Variants in MGAT4C observed in about 807,000 individuals in gnomAD.
MGAT4C encodes the protein alpha-1,3-mannosyl-glycoprotein 4-beta-N-acetylglucosaminyltransferase C.
Under a neutral mutation model 40.1 loss-of-function variants are expected in MGAT4C, and 19 were observed. The observed-to-expected ratio is 0.47, with a 90% confidence interval of 0.33 to 0.70. The LOEUF (loss-of-function observed/expected upper bound fraction) is 0.70, where lower values mean the gene tolerates loss of function less well. MGAT4C is among the 30% of genes least tolerant of loss of function. The pLI is 0.02. For synonymous variants in MGAT4C, 181 were observed against 187.1 expected (o/e 0.97, Z 0.27); for missense variants, 491 against 563.2 (o/e 0.87, Z 1.30).
intron 2 of MGAT4C, among the ~76,000 whole-genome samples, chr12:86,533,614 C>A (rs1959019617): frequency 6.6e-6 from 1 of 151,400 alleles, no homozygotes; most frequent in Non-Finnish European, 1.5e-5. Context: ...TTTATACACA[C>A]TATGTACTAT....
At chr12:86,108,706 C>A (rs2135629062) in intron 1 of MGAT4C, among the ~76,000 whole-genome samples, 1 of 152,270 alleles carries the variant, frequency 6.6e-6, no homozygotes, top group Admixed American at 6.5e-5. Context: ...TAAGTCTCCA[C>A]TCCAAGGTTA....
At chr12:86,708,924 T>C (rs1950510168) in intron 2 of MGAT4C, among the ~76,000 whole-genome samples, 1 of 152,206 alleles carries the variant, frequency 6.6e-6, no homozygotes, top group Admixed American at 6.5e-5. Flanking sequence ...TTATCTCAGA[T>C]GAGAGACATT....
chr12:86,203,014 C>G (rs1950104493), intron 1 of MGAT4C, among the ~76,000 whole-genome samples: 1 of 147,388 alleles, frequency 6.8e-6, no homozygotes, highest in Non-Finnish European at 1.5e-5. Context: ...TCACATTTTC[C>G]TGTGTGTGTG....
chr12:86,153,098 G>T (rs1884495967), intron 1 of MGAT4C, among the ~76,000 whole-genome samples: 1 of 152,110 alleles, frequency 6.6e-6, no homozygotes, highest in Non-Finnish European at 1.5e-5. Flanking sequence ...AATGACTGTA[G>T]ATGTGGTGGA....
chr12:86,297,374 T>C (rs1953707470), intron 4 of MGAT4C, among the ~76,000 whole-genome samples: 1 of 152,246 alleles, frequency 6.6e-6, no homozygotes, highest in African/African-American at 2.4e-5. Context: ...TGCAAATGTG[T>C]ATGTGTATAT....
intron 2 of MGAT4C, among the ~76,000 whole-genome samples, chr12:86,478,354 T>A (rs1957877894): frequency 1.3e-5 from 2 of 152,184 alleles, no homozygotes; most frequent in South Asian, 4.1e-4. Context: ...GTAGTCTTTT[T>A]CAGTCTGTTT....
chr12:86,628,031 C>G (rs1463908119), intron 2 of MGAT4C, among the ~76,000 whole-genome samples: 2 of 152,068 alleles, frequency 1.3e-5, no homozygotes, highest in African/African-American at 4.8e-5. Context: ...CTAGAATAAA[C>G]AGTGTAGAGA....
At chr12:86,132,627 A>G (rs943361357) in intron 1 of MGAT4C, among the ~76,000 whole-genome samples, 2 of 151,990 alleles carry the variant, frequency 1.3e-5, no homozygotes, top group African/African-American at 4.8e-5. Flanking sequence ...CCCCGTCTCT[A>G]CTAAACATAC....
intron 1 of MGAT4C, among the ~76,000 whole-genome samples, chr12:86,727,883 A>C (rs1593155355): frequency 6.6e-6 from 1 of 152,204 alleles, no homozygotes; most frequent in East Asian, 1.9e-4. Flanking sequence ...TGATATGACC[A>C]CCAGAACAAA....
intron 1 of MGAT4C, among the ~76,000 whole-genome samples, chr12:86,120,390 A>G (rs979069766): frequency 3.9e-5 from 6 of 152,082 alleles, no homozygotes; most frequent in Admixed American, 2.0e-4. Context: ...TGAAGAGAGT[A>G]GTGGTTCTCC....
chr12:86,280,474 C>G (rs1953189859), intron 4 of MGAT4C, among the ~76,000 whole-genome samples: 1 of 151,814 alleles, frequency 6.6e-6, no homozygotes, highest in African/African-American at 2.4e-5. Flanking sequence ...TGTAAACTGT[C>G]CTTTTGACTC....
At chr12:86,598,749 C>T (rs150303864) in intron 2 of MGAT4C, among the ~76,000 whole-genome samples, 224 of 152,172 alleles carry the variant, frequency 1.5e-3, no homozygotes, top group African/African-American at 5.0e-3. Flanking sequence ...GTATTATTCA[C>T]GATACTAAAA....
At chr12:86,729,953 C>A (rs1950881751) in intron 1 of MGAT4C, among the ~76,000 whole-genome samples, 1 of 151,956 alleles carries the variant, frequency 6.6e-6, no homozygotes, top group Non-Finnish European at 1.5e-5. Flanking sequence ...AATCACTTCT[C>A]ATTTTTTTGA....
chr12:86,814,359 TATATATATACGTATATATACATATAC>T (rs200911785), intron 1 of MGAT4C, among the ~76,000 whole-genome samples: 421 of 15,326 alleles, frequency 0.027, 17 homozygotes, highest in East Asian at 0.13. Context: ...TACATATACG[TATATATATACGTATATATACATATAC>T]GTATATATAT....
chr12:86,781,938 CTT>C (rs1216020475), intron 1 of MGAT4C, among the ~76,000 whole-genome samples: 1 of 15,686 alleles, frequency 6.4e-5, no homozygotes, highest in East Asian at 3.1e-3. Flanking sequence ...TTTTACCTAA[CTT>C]AATTTTGAAA....
chr12:86,535,909 T>C (rs1347849761), intron 2 of MGAT4C, among the ~76,000 whole-genome samples: 3 of 152,096 alleles, frequency 2.0e-5, no homozygotes, highest in Admixed American at 1.3e-4. Context: ...CATAAAATTA[T>C]TGTAGATATT....
intron 3 of MGAT4C, among the ~76,000 whole-genome samples, chr12:86,428,936 T>C (rs1956981673): frequency 6.6e-6 from 1 of 152,128 alleles, no homozygotes. Context: ...GTTGCTTTTC[T>C]AGTCTTTATT....
chr12:86,610,546 GT>G (rs905324296), intron 2 of MGAT4C, among the ~76,000 whole-genome samples: 1 of 57,550 alleles, frequency 1.7e-5, no homozygotes, highest in Non-Finnish European at 3.4e-5. Context: ...AAGGGCAACA[GT>G]TTTTTTGTTT....
Position 86,714,481 on chromosome 12 carries a change from T to C in MGAT4C, c.-229+12728A>G, listed in dbSNP as rs1468140391. ...GACCCGGTGGGAGATAATTGAATCA[T>C]GAGGGTGGTTTCCTCCATACTGTTC... On this transcript the variant is annotated intron_variant, in intron 2 of 7. Coordinates refer to the MGAT4C transcript ENST00000548651. 2.0e-5 allele frequency among the ~76,000 whole-genome samples: 3 copies of C among 152,028 alleles called. No homozygotes were observed. In the East Asian group the frequency reaches 5.8e-4, roughly 29 times the overall value.
Sources: allele counts gnomAD v4.1 joint callset (sites outside exome capture counted in the v4.1 genomes callset), GRCh38; gene constraint gnomAD v4.1.1; transcripts MANE v1.5; gene names NCBI Gene and HGNC (gene_info 2026-07-23, HGNC 2026-07-21).